UTRN: variants seen among roughly 807,000 people sequenced by gnomAD.
UTRN encodes utrophin.
A neutral mutation model predicts 463.9 loss-of-function variants in UTRN; 283 were observed. The ratio of observed to expected loss-of-function variants is 0.61; its 90% CI spans 0.55 to 0.67. The LOEUF is 0.67. Ranked by LOEUF, UTRN falls within the 30% of genes least tolerant of loss-of-function variation. UTRN has a pLI of 0.00. For synonymous variants in UTRN, 1,442 were observed against 1,431.5 expected (o/e 1.01, Z -0.17); for missense variants, 3,922 against 4,084.3 (o/e 0.96, Z 1.08).
At chr6:144,754,272 A>G (rs975961833) in intron 56 of UTRN, among the ~76,000 whole-genome samples, 2 of 152,178 alleles carry the variant, frequency 1.3e-5, no homozygotes, top group East Asian at 1.9e-4. Context: ...GGCTTTACAA[A>G]CAATGTACTG....
intron 41 of UTRN, among the ~76,000 whole-genome samples, chr6:144,527,820 C>A (rs963964061): frequency 2.0e-5 from 3 of 152,074 alleles, no homozygotes; most frequent in African/African-American, 7.2e-5. Context: ...CTGAGTGTGT[C>A]CTTGATTTCC....
intron 54 of UTRN, among the ~76,000 whole-genome samples, chr6:144,744,446 A>G (rs1790472463): frequency 6.8e-6 from 1 of 147,568 alleles, no homozygotes; most frequent in Non-Finnish European, 1.5e-5. Context: ...TTACTTATGT[A>G]TAATATATAC....
intron 17 of UTRN, among the ~76,000 whole-genome samples, chr6:144,449,099 A>T (rs1787987257): frequency 6.6e-6 from 1 of 151,940 alleles, no homozygotes; most frequent in Non-Finnish European, 1.5e-5. Context: ...TCTTTCTTTC[A>T]CTGTCACAAC....
At chr6:144,497,033 T>A (rs954424155) in intron 33 of UTRN, among the ~76,000 whole-genome samples, 1 of 152,214 alleles carries the variant, frequency 6.6e-6, no homozygotes, top group Non-Finnish European at 1.5e-5. Flanking sequence ...ATAGAGTTTG[T>A]GTTACAGATT....
chr6:144,520,465 C>G (rs1795989872), intron 39 of UTRN, among the ~76,000 whole-genome samples: 1 of 152,156 alleles, frequency 6.6e-6, no homozygotes, highest in African/African-American at 2.4e-5. Context: ...GAAATGCTTT[C>G]TGACTAAAAT....
At chr6:144,764,029 A>T (rs1194549424) in intron 58 of UTRN, among the ~76,000 whole-genome samples, 1 of 152,202 alleles carries the variant, frequency 6.6e-6, no homozygotes, top group Non-Finnish European at 1.5e-5. Flanking sequence ...AATGAAATAG[A>T]AGCATAAGCA....
chr6:144,508,465 C>T (rs185120907), intron 34 of UTRN, among the ~76,000 whole-genome samples: 13 of 152,234 alleles, frequency 8.5e-5, no homozygotes, highest in South Asian at 2.1e-4. Flanking sequence ...CCGTACCTCA[C>T]GGCACAGTCC....
At chr6:144,440,971 A>C (rs1323310526) in intron 13 of UTRN, among the ~76,000 whole-genome samples, 1 of 152,182 alleles carries the variant, frequency 6.6e-6, no homozygotes, top group Non-Finnish European at 1.5e-5. Flanking sequence ...CTTACTCACT[A>C]TCACAAGAAC....
intron 64 of UTRN, among the ~76,000 whole-genome samples, chr6:144,799,776 A>T (rs974913524): frequency 6.6e-6 from 1 of 152,264 alleles, no homozygotes; most frequent in Non-Finnish European, 1.5e-5. Context: ...AGACTCCAAG[A>T]TTAGTCAACT....
Position 144,499,418 on chromosome 6 carries a change from C to G in UTRN, c.4755C>G (p.Ser1585=), listed in dbSNP as rs139758355. ...GLLGDLDTEI[S]WAKNVLKDLE... is the part of the protein sequence containing the mutation. ...TTGGTGACTTGGATACAGAAATTTC[C>G]TGGGCTAAAGTAAGTTGCAGTTCAG... Residue 1585 remains serine (S), a synonymous_variant, in exon 34 of 75, where the codon TCC becomes TCG. Coordinates refer to ENST00000367545, the MANE Select transcript of UTRN (RefSeq NM_007124.3). 4.7e-5 allele frequency: 75 copies of G among 1,606,228 alleles called. No individual in the cohort carries two copies. The African/African-American group carries it at 9.6e-4, about 21-fold the overall frequency.
At chr6:144,759,703 A>G (rs1226267810) in intron 58 of UTRN, among the ~76,000 whole-genome samples, 2 of 152,122 alleles carry the variant, frequency 1.3e-5, no homozygotes, top group Admixed American at 1.3e-4. Flanking sequence ...GCTAGCTACT[A>G]GCTTGGAAGG....
chr6:144,644,721 A>G (rs918994970), intron 51 of UTRN, among the ~76,000 whole-genome samples: 2 of 152,208 alleles, frequency 1.3e-5, no homozygotes, highest in Non-Finnish European at 2.9e-5. Flanking sequence ...ATTAAAGAGT[A>G]ATAATAAATT....
At chr6:144,579,798 A>T (rs12210449) in intron 51 of UTRN, among the ~76,000 whole-genome samples, 730 of 152,330 alleles carry the variant, frequency 4.8e-3, no homozygotes, top group Middle Eastern at 0.024. Context: ...GAAAGTAATA[A>T]AGAGGACATT....
Position 144,771,985 on chromosome 6 carries a change from G to A in UTRN, c.8557+17G>A. The stretch of plus-strand genomic sequence containing the variant: ...AATCCCTTGGTAAGTGTTATTAATA[G>A]TAATAAATTAACCTAAACAACTGAG... On this transcript the variant is annotated intron_variant, in intron 59 of 74. Transcript: ENST00000367545. 5.0e-6 allele frequency: 3 copies of A among 598,992 alleles called. No homozygotes were observed. The highest frequency in any genetic ancestry group is 7.9e-6 in the Non-Finnish European group (3 of 378,964). The allele number at this position is 598,992 out of a possible 1,614,324, so 37.1% of individuals were successfully genotyped here.
chr6:144,646,019 A>G (rs1273392821), intron 51 of UTRN, among the ~76,000 whole-genome samples: 1 of 152,140 alleles, frequency 6.6e-6, no homozygotes, highest in Non-Finnish European at 1.5e-5. Context: ...TTGATCTTTC[A>G]TATGGGTCAC....
At chr6:144,844,777 G>A (rs1047065037) in intron 73 of UTRN, among the ~76,000 whole-genome samples, 2 of 152,106 alleles carry the variant, frequency 1.3e-5, no homozygotes, top group Admixed American at 6.5e-5. Context: ...TAAACAAATC[G>A]GATTGGCACC....
intron 51 of UTRN, among the ~76,000 whole-genome samples, chr6:144,610,493 A>G (rs1345771844): frequency 6.6e-6 from 1 of 152,210 alleles, no homozygotes; most frequent in East Asian, 1.9e-4. Context: ...CCAAATATTA[A>G]TGAAGAACTA....
At position 144,516,960 on chromosome 6, in the gene UTRN, GGA is replaced by G. The variant is rs1795666126; in HGVS notation, c.5541+16_5541+17del. The G allele has an allele frequency of 1.4e-6, 2 of 1,452,588 alleles. No homozygotes were observed. Among genetic ancestry groups the G allele is most frequent in the East Asian group, 5.2e-5 (2 of 38,142 alleles). The allele number at this position is 1,452,588 out of a possible 1,614,324, so 90.0% of individuals were successfully genotyped here. A position where few individuals can be genotyped will look rare whatever the true frequency, so the allele number is the denominator to read the frequency against. ...ACAACAAAATTAAGGTATTATGATT[GGA>G]GAGTCTCTGTTGCATTTAAATACCT... is the stretch of plus-strand genomic sequence containing the variant. On this transcript the variant is annotated intron_variant, in intron 39 of 74. Coordinates refer to ENST00000367545, the MANE Select transcript of UTRN (RefSeq NM_007124.3).
chr6:144,470,238 G>A (rs1165839792), intron 23 of UTRN, among the ~76,000 whole-genome samples: 3 of 152,094 alleles, frequency 2.0e-5, no homozygotes, highest in African/African-American at 4.8e-5. Context: ...ACGGGGTGGC[G>A]GCCGGGCAGA....
Sources: gnomAD v4.1 joint callset for allele counts (sites outside exome capture counted in the v4.1 genomes callset) on GRCh38, gnomAD v4.1.1 for gene constraint, MANE v1.5 for transcripts, NCBI Gene and HGNC (gene_info 2026-07-23, HGNC 2026-07-21) for gene names.